The following HS3ST4 variants were observed in gnomAD, a reference collection of about 807,000 sequenced individuals.
HS3ST4 encodes heparan sulfate glucosamine 3-O-sulfotransferase 4.
Under a neutral mutation model 29.2 loss-of-function variants are expected in HS3ST4, and 17 were observed. The observed-to-expected ratio is 0.58, with a 90% CI of 0.40 to 0.87. The LOEUF is 0.87. HS3ST4 is among the 40% of genes least tolerant of loss of function. The pLI, the probability that HS3ST4 is intolerant of heterozygous loss-of-function variation, is 0.00. For missense variants in HS3ST4, 627 were observed against 634.5 expected (o/e 0.99, Z 0.13); for synonymous variants, 314 against 285.7 (o/e 1.10, Z -1.00).
chr16:25,951,180 A>T (rs1968680850), intron 1 of HS3ST4, among the ~76,000 whole-genome samples: 1 of 152,218 alleles, frequency 6.6e-6, no homozygotes, highest in African/African-American at 2.4e-5. Flanking sequence ...CAGAGGCTGA[A>T]GTCAGCAGCA....
At chr16:25,818,873 CAG>C (rs989303346) in intron 1 of HS3ST4, among the ~76,000 whole-genome samples, 3 of 151,762 alleles carry the variant, frequency 2.0e-5, no homozygotes, top group Non-Finnish European at 4.4e-5. Context: ...TATCTGAAGA[CAG>C]AGGATGGATT....
At chr16:26,015,480 A>G (rs1969354297) in intron 1 of HS3ST4, among the ~76,000 whole-genome samples, 1 of 152,178 alleles carries the variant, frequency 6.6e-6, no homozygotes, top group Admixed American at 6.5e-5. Flanking sequence ...CTCTATGTCC[A>G]GAGTTTTTAT....
chr16:26,114,077 A>C (rs553243102), intron 1 of HS3ST4, among the ~76,000 whole-genome samples: 36 of 152,280 alleles, frequency 2.4e-4, no homozygotes, highest in African/African-American at 8.7e-4. Context: ...TTGGAACATC[A>C]CATGCAAAAT....
At chr16:26,113,987 G>A (rs1219933985) in intron 1 of HS3ST4, among the ~76,000 whole-genome samples, 2 of 152,206 alleles carry the variant, frequency 1.3e-5, no homozygotes, top group Non-Finnish European at 2.9e-5. Flanking sequence ...AAGCTGTGCA[G>A]AGGAGACCTT....
chr16:26,045,956 C>T (rs1898259774), intron 1 of HS3ST4, among the ~76,000 whole-genome samples: 1 of 152,106 alleles, frequency 6.6e-6, no homozygotes, highest in Admixed American at 6.5e-5. Flanking sequence ...CTTTATTTTA[C>T]ATTACATCGA....
In HS3ST4 at chr16:25,871,539, G is replaced by A. The variant is rs114577352; in HGVS notation, c.734+178388G>A. On this transcript the variant is annotated intron_variant, in intron 1 of 1. Coordinates refer to ENST00000331351, the MANE Select transcript of HS3ST4 (RefSeq NM_006040.3). ...AATAACATATATAGTGCTTATGATG[G>A]TGAACCCGGTACTTGTACGTATGTG... Among the ~76,000 whole-genome samples, 1,306 of 152,222 alleles carry A rather than the reference G, an allele frequency of 8.6e-3. 14 individuals carry two copies. The highest frequency in any genetic ancestry group is 0.03 in the African/African-American group (1,235 of 41,540).
intron 1 of HS3ST4, among the ~76,000 whole-genome samples, chr16:26,003,307 A>G (rs779249955): frequency 3.4e-4 from 52 of 152,294 alleles, no homozygotes; most frequent in Admixed American, 7.2e-4. Context: ...TAGGGCTGCA[A>G]TGAGGGTTAA....
At position 25,756,964 on chromosome 16, in the gene HS3ST4, A is replaced by G. The variant is rs577084978; in HGVS notation, c.734+63813A>G. On this transcript the variant is annotated intron_variant, in intron 1 of 1. Transcript: ENST00000331351. ...GCTATACATACGTCTTATCTCTTTA[A>G]TATGACCAAGAGCAACCTGAGGGAA... Among the ~76,000 whole-genome samples, 13 of 152,310 alleles carry G rather than the reference A, an allele frequency of 8.5e-5. No individual in the cohort carries two copies. The South Asian group carries it at 1.4e-3, about 17-fold the overall frequency.
At chr16:25,724,381 T>A (rs1458779103) in intron 1 of HS3ST4, among the ~76,000 whole-genome samples, 1 of 109,278 alleles carries the variant, frequency 9.2e-6, no homozygotes, top group Non-Finnish European at 2.0e-5. Context: ...TTTTTTTTTT[T>A]GAGATGGAGT....
At chr16:25,820,558 T>C (rs1002192517) in intron 1 of HS3ST4, among the ~76,000 whole-genome samples, 1 of 151,422 alleles carries the variant, frequency 6.6e-6, no homozygotes, top group African/African-American at 2.4e-5. Flanking sequence ...CCTGCCTGGC[T>C]AATTAATACA....
rs1195375286 is a variant in HS3ST4 at position 25,925,447 on chromosome 16, C to T, written c.735-210165C>T. Among the ~76,000 whole-genome samples, 3 of 152,048 alleles carry T rather than the reference C, an allele frequency of 2.0e-5. No homozygotes were observed. In the South Asian group the frequency reaches 6.2e-4, roughly 32 times the overall value. On this transcript the variant is annotated intron_variant, in intron 1 of 1. Coordinates refer to ENST00000331351, the MANE Select transcript of HS3ST4 (RefSeq NM_006040.3). ...ACCTTGATTTTTCCCCAGCTCACTCCCTGCACAGAGAGCTTGAAGCTCAGT... is the reference window on the plus strand; with the variant it reads ...ACCTTGATTTTTCCCCAGCTCACTCTCTGCACAGAGAGCTTGAAGCTCAGT...
At chr16:26,024,178 A>C (rs1349595683) in intron 1 of HS3ST4, among the ~76,000 whole-genome samples, 1 of 150,790 alleles carries the variant, frequency 6.6e-6, no homozygotes, top group African/African-American at 2.4e-5. Flanking sequence ...AGCAGAGATC[A>C]CACCACTGCA....
chr16:26,094,016 G>A (rs1898892869), intron 1 of HS3ST4, among the ~76,000 whole-genome samples: 1 of 152,148 alleles, frequency 6.6e-6, no homozygotes, highest in Admixed American at 6.5e-5. Context: ...GGGTATCAGT[G>A]ACTGAAGATC....
intron 1 of HS3ST4, among the ~76,000 whole-genome samples, chr16:25,732,993 A>T (rs531402449): frequency 6.6e-6 from 1 of 152,282 alleles, no homozygotes; most frequent in East Asian, 1.9e-4. Flanking sequence ...CAACACACTC[A>T]GGATCTCTCT....
intron 1 of HS3ST4, among the ~76,000 whole-genome samples, chr16:25,939,740 G>A (rs534984866): frequency 7.9e-5 from 12 of 152,180 alleles, no homozygotes; most frequent in Non-Finnish European, 1.5e-4. Flanking sequence ...GCTGGGAGGG[G>A]AGCATTCTGT....
chr16:26,065,474 G>A (rs1409834172), intron 1 of HS3ST4, among the ~76,000 whole-genome samples: 1 of 152,174 alleles, frequency 6.6e-6, no homozygotes, highest in East Asian at 1.9e-4. Flanking sequence ...GCCTTTCAGA[G>A]GCTGGAGGGT....
rs187752252 is a variant in HS3ST4, at chr16:26,122,896, A to T, written c.735-12716A>T. ...ACGTGAAACCTCATCTCTACAAAAA[A>T]TACAAAAATCAGCTGGGCGTGGTGG... On this transcript the variant is annotated intron_variant, in intron 1 of 1. Coordinates refer to ENST00000331351, the MANE Select transcript of HS3ST4 (RefSeq NM_006040.3). 4.7e-3 allele frequency among the ~76,000 whole-genome samples: 711 copies of T among 152,250 alleles called. 5 individuals carry two copies. Among genetic ancestry groups the T allele is most frequent in the African/African-American group, 0.016 (665 of 41,546 alleles).
intron 1 of HS3ST4, among the ~76,000 whole-genome samples, chr16:25,957,313 G>T (rs1968745820): frequency 6.6e-6 from 1 of 152,236 alleles, no homozygotes; most frequent in South Asian, 2.1e-4. Flanking sequence ...AAGGAAAATA[G>T]TTGCATGTGA....
In HS3ST4 at chr16:25,692,303, G is replaced by A. The variant is rs1467040261; in HGVS notation, c.-115G>A. ...CGCTTCATGCAGCCGGGGCGGCTGG[G>A]CAGCGGCGGCGGCGGCGGCGGCGGC... On this transcript the variant is annotated 5_prime_UTR_variant, in exon 1 of 2. Coordinates refer to ENST00000331351, the MANE Select transcript of HS3ST4 (RefSeq NM_006040.3). The A allele has an allele frequency of 9.3e-6, 1 of 107,886 alleles. No homozygotes were observed. The highest frequency in any genetic ancestry group is 1.8e-5 in the Non-Finnish European group (1 of 54,132). The allele number at this position is 107,886 out of a possible 1,614,324, so 6.7% of individuals were successfully genotyped here.
Sources: allele counts gnomAD v4.1 joint callset (sites outside exome capture counted in the v4.1 genomes callset), GRCh38; gene constraint gnomAD v4.1.1; transcripts MANE v1.5; gene names NCBI Gene and HGNC (gene_info 2026-07-23, HGNC 2026-07-21).